Variants in OPCML observed in about 807,000 individuals in gnomAD.
OPCML encodes opioid-binding protein/cell adhesion molecule.
In OPCML, 13 loss-of-function variants were observed where a neutral mutation model predicts 37.8. That is an observed-to-expected ratio of 0.34 (90% CI 0.22 to 0.55). The LOEUF is 0.55. Ranked by LOEUF, OPCML falls within the 20% of genes least tolerant of loss-of-function variation. The probability of loss-of-function intolerance (pLI) is 0.91; values close to 1 mark genes in which losing one functional copy is unlikely to be tolerated. For synonymous variants in OPCML, 176 were observed against 168.8 expected, an observed-to-expected ratio of 1.04 and a Z score of -0.33; for missense variants, 341 against 435.6, an observed-to-expected ratio of 0.78 and a Z score of 1.93.
At chr11:133,502,415 C>T (rs999451150) in intron 1 of OPCML, among the ~76,000 whole-genome samples, 2 of 152,194 alleles carry the variant, frequency 1.3e-5, no homozygotes, top group East Asian at 3.9e-4. Flanking sequence ...TCGTCCAAAC[C>T]GGCTGACAAG....
chr11:133,410,634 TAAAAAAAAAAAA>T (rs71038527), intron 1 of OPCML, among the ~76,000 whole-genome samples: 109 of 46,988 alleles, frequency 2.3e-3, no homozygotes, highest in South Asian at 8.6e-3. Context: ...AGAAAAAAAG[TAAAAAAAAAAAA>T]AAAAAAAAAA....
chr11:133,433,208 C>T (rs567995511), intron 1 of OPCML, among the ~76,000 whole-genome samples: 17 of 144,978 alleles, frequency 1.2e-4, no homozygotes, highest in East Asian at 3.9e-4. Flanking sequence ...GCCGAGATCC[C>T]GCCACTGCAC....
intron 4 of OPCML, among the ~76,000 whole-genome samples, chr11:132,514,652 T>C (rs910034252): frequency 6.6e-6 from 1 of 152,116 alleles, no homozygotes; most frequent in South Asian, 2.1e-4. Context: ...TGACTCAATA[T>C]TTTTTTGCCA....
At chr11:133,274,961 G>C (rs1565542940) in intron 1 of OPCML, among the ~76,000 whole-genome samples, 2 of 151,924 alleles carry the variant, frequency 1.3e-5, no homozygotes, top group Admixed American at 1.3e-4. Flanking sequence ...TTTAGATTTT[G>C]TCTTTTAAGT....
At position 133,008,148 on chromosome 11, in the gene OPCML, G is replaced by A. The variant is rs1054769960; in HGVS notation, c.62-65138C>T. The A allele has an allele frequency of 3.0e-6, 3 of 985,382 alleles. No individual in the cohort carries two copies. The South Asian group carries it at 1.4e-4, about 46-fold the overall frequency. 61.0% of individuals were successfully genotyped at this position (985,382 alleles called of 1,614,324 possible). A position where few individuals can be genotyped will look rare whatever the true frequency, so the allele number is the denominator to read the frequency against. ...TCCAAGCCTCTTGGGCAGAAAGATG[G>A]CTTTAAAATAACATCAGTGACCAAG... On this transcript the variant is annotated intron_variant, in intron 1 of 7. Transcript: ENST00000524381.
chr11:132,832,374 G>T (rs1303730946), intron 2 of OPCML, among the ~76,000 whole-genome samples: 1 of 152,074 alleles, frequency 6.6e-6, no homozygotes, highest in Non-Finnish European at 1.5e-5. Context: ...AAGAGACCTA[G>T]ACTATGTTAA....
chr11:133,391,116 G>A (rs2136810832), intron 1 of OPCML, among the ~76,000 whole-genome samples: 3 of 152,348 alleles, frequency 2.0e-5, no homozygotes, highest in Admixed American at 2.0e-4. Flanking sequence ...GAAAGGTCAA[G>A]CTGCGGAATG....
At chr11:133,214,814 A>G (rs559883291) in intron 1 of OPCML, among the ~76,000 whole-genome samples, 2 of 152,248 alleles carry the variant, frequency 1.3e-5, no homozygotes, top group South Asian at 4.1e-4. Flanking sequence ...TGGCTTTCAG[A>G]TGTGACCTAA....
chr11:133,345,371 T>G (rs2136679439), intron 1 of OPCML, among the ~76,000 whole-genome samples: 1 of 152,362 alleles, frequency 6.6e-6, no homozygotes, highest in South Asian at 2.1e-4. Flanking sequence ...CTTACTGCTT[T>G]TAATATGAAT....
chr11:132,604,873 A>G (rs1400987433), intron 3 of OPCML, among the ~76,000 whole-genome samples: 1 of 152,192 alleles, frequency 6.6e-6, no homozygotes, highest in East Asian at 1.9e-4. Context: ...TAAGACCAAA[A>G]TGTAAGCATA....
At chr11:133,421,880 G>A in intron 1 of OPCML, 1 of 601,224 alleles carries the variant, frequency 1.7e-6, no homozygotes, top group Non-Finnish European at 2.1e-6. Context: ...CACAGAAACA[G>A]TGAGAAACAA....
At chr11:133,036,313 T>C (rs893651978) in intron 1 of OPCML, among the ~76,000 whole-genome samples, 2 of 152,208 alleles carry the variant, frequency 1.3e-5, no homozygotes, top group African/African-American at 4.8e-5. Flanking sequence ...ATGGAATAAA[T>C]TCTTATTATG....
intron 3 of OPCML, among the ~76,000 whole-genome samples, chr11:132,552,763 C>CTTTTTTTTTTTTTTTTT (rs562056846): frequency 0.012 from 1,142 of 92,670 alleles, 291 homozygotes; most frequent in African/African-American, 0.049. Context: ...AAACACTACT[C>CTTTTTTTTTTTTTTTTT]TTTTTTTTTT....
At chr11:132,675,700 A>C (rs1165684857) in intron 2 of OPCML, among the ~76,000 whole-genome samples, 1 of 152,212 alleles carries the variant, frequency 6.6e-6, no homozygotes, top group East Asian at 1.9e-4. Flanking sequence ...CAATACAATC[A>C]AAATGAATAA....
chr11:133,053,897 G>T (rs759018248), intron 1 of OPCML, among the ~76,000 whole-genome samples: 1 of 152,000 alleles, frequency 6.6e-6, no homozygotes, highest in Admixed American at 6.6e-5. Flanking sequence ...GTCCAACAGC[G>T]CCCTTAAATA....
intron 1 of OPCML, chr11:133,026,555 A>C: frequency 1.0e-6 from 1 of 985,244 alleles, no homozygotes; most frequent in Non-Finnish European, 1.2e-6. Context: ...CTTTCCAAAC[A>C]CCTAAATCTG....
rs73586479 is a variant in OPCML, at chr11:132,986,457, C to A, written c.62-43447G>T. Among the ~76,000 whole-genome samples, 1,382 of 152,266 alleles carry A rather than the reference C, an allele frequency of 9.1e-3. 18 individuals carry two copies. Among genetic ancestry groups the A allele is most frequent in the African/African-American group, 0.032 (1,316 of 41,550 alleles). Reference sequence around the variant, plus strand: ...GTAGGAGAGAAGTCAGTCTCCAACACACTTAGGACCATCTCAGGATCCCAG... The same window carrying A: ...GTAGGAGAGAAGTCAGTCTCCAACAAACTTAGGACCATCTCAGGATCCCAG... On this transcript the variant is annotated intron_variant, in intron 1 of 7. Transcript: ENST00000524381.
At position 132,446,948 on chromosome 11, in the gene OPCML, C is replaced by T. The variant is rs2096056944; in HGVS notation, c.506-9589G>A. Among the ~76,000 whole-genome samples, 4 of 152,134 alleles carry T rather than the reference C, an allele frequency of 2.6e-5. No individual in the cohort carries two copies. The South Asian group carries it at 8.3e-4, about 32-fold the overall frequency. ...CTGTATTTTTGTAGTATAGGAGTGT[C>T]TTGTGCCCTGGCGTGGTCAGTGGAC... On this transcript the variant is annotated intron_variant, in intron 4 of 7. Transcript: ENST00000524381.
At chr11:132,646,653 T>C (rs1268225111) in intron 3 of OPCML, among the ~76,000 whole-genome samples, 1 of 152,128 alleles carries the variant, frequency 6.6e-6, no homozygotes, top group Non-Finnish European at 1.5e-5. Context: ...ACATTTGCTT[T>C]GATAGAGAAG....
Sources: allele counts gnomAD v4.1 joint callset (sites outside exome capture counted in the v4.1 genomes callset), GRCh38; gene constraint gnomAD v4.1.1; transcripts MANE v1.5; gene names NCBI Gene and HGNC (gene_info 2026-07-23, HGNC 2026-07-21).